Variants in ATP13A4 observed in about 807,000 individuals in gnomAD.
ATP13A4 encodes the protein probable cation-transporting ATPase 13A4.
ATP13A4 carries 114 observed loss-of-function variants against 142.5 expected under a neutral mutation model. The observed-to-expected ratio is 0.80, with a 90% CI of 0.69 to 0.93. The LOEUF is 0.93. ATP13A4 is among the 40% of genes least tolerant of loss of function. The pLI is 0.00. For synonymous variants in ATP13A4, 488 were observed against 514.8 expected, an observed-to-expected ratio of 0.95 and a Z score of 0.70; for missense variants, 1,392 against 1,454.0, an observed-to-expected ratio of 0.96 and a Z score of 0.69.
At chr3:193,508,955 T>G (rs566382373) in intron 2 of ATP13A4, among the ~76,000 whole-genome samples, 2 of 150,936 alleles carry the variant, frequency 1.3e-5, no homozygotes, top group East Asian at 3.9e-4. Context: ...CCACAATCAC[T>G]GTCTTCAAAA....
intron 1 of ATP13A4, among the ~76,000 whole-genome samples, chr3:193,550,890 G>T (rs1723519351): frequency 6.6e-6 from 1 of 152,168 alleles, no homozygotes; most frequent in African/African-American, 2.4e-5. Flanking sequence ...ATTAAGCCAT[G>T]ATACCTTCGT....
chr3:193,497,703 A>T (rs1720321566), intron 3 of ATP13A4, among the ~76,000 whole-genome samples: 1 of 152,144 alleles, frequency 6.6e-6, no homozygotes, highest in Non-Finnish European at 1.5e-5. Context: ...AAGAAAATGT[A>T]CATGTACATT....
At chr3:193,538,125 A>G (rs955251763) in intron 1 of ATP13A4, among the ~76,000 whole-genome samples, 1 of 152,264 alleles carries the variant, frequency 6.6e-6, no homozygotes, top group African/African-American at 2.4e-5. Context: ...GGTACTCAGA[A>G]TCTCCCTGTA....
chr3:193,573,308 C>CTTATATATATATATATGTGTATATAT lies in ATP13A4; in HGVS notation n.291+8398_291+8399insATATATACACATATATATATATATAA, dbSNP rs1229145689. ...ATATATACACATATATATATATATA[C>CTTATATATATATATATGTGTATATAT]ATATATATATATATATATAATTTGT... On this transcript the variant is annotated intron_variant and non_coding_transcript_variant, in intron 2 of 3. Coordinates refer to the ATP13A4 transcript ENST00000489140. 5.4e-4 allele frequency among the ~76,000 whole-genome samples: 56 copies of CTTATATATATATATATGTGTATATAT among 103,654 alleles called. No individual in the cohort carries two copies. In the East Asian group the frequency reaches 8.2e-3, roughly 15 times the overall value. The allele number at this position is 103,654 out of a possible 152,430, so 68.0% of individuals were successfully genotyped here.
intron 2 of ATP13A4, among the ~76,000 whole-genome samples, chr3:193,509,508 G>A (rs1016129031): frequency 6.6e-6 from 1 of 152,232 alleles, no homozygotes; most frequent in African/African-American, 2.4e-5. Context: ...GGGTTGTAAA[G>A]TCACTTGGTC....
chr3:193,474,258 G>A (rs1385116567), intron 8 of ATP13A4, among the ~76,000 whole-genome samples: 1 of 135,826 alleles, frequency 7.4e-6, no homozygotes, highest in Non-Finnish European at 1.5e-5. Context: ...AGCAGAGGTT[G>A]CAGTGAGCCC....
chr3:193,493,194 T>C, intron 3 of ATP13A4, 34 bp from the exon 4 acceptor site: 2 of 1,587,844 alleles, frequency 1.3e-6, no homozygotes, highest in East Asian at 2.2e-5. Context: ...AACCTCTAGT[T>C]TGAGGATCAG....
intron 8 of ATP13A4, 28 bp from the exon 9 acceptor site, chr3:193,471,021 T>C (rs1160132694): frequency 6.2e-7 from 1 of 1,614,022 alleles, no homozygotes; most frequent in Admixed American, 1.7e-5. Context: ...CAGAGTTGAG[T>C]CAGGTTATTT....
intron 18 of ATP13A4, among the ~76,000 whole-genome samples, chr3:193,443,689 A>G (rs1361752551): frequency 6.6e-6 from 1 of 152,224 alleles, no homozygotes; most frequent in Non-Finnish European, 1.5e-5. Flanking sequence ...AGTATCAGAC[A>G]ATGGTTTTTA....
chr3:193,452,019 A>T (rs979489563), intron 17 of ATP13A4, among the ~76,000 whole-genome samples: 1 of 152,200 alleles, frequency 6.6e-6, no homozygotes, highest in African/African-American at 2.4e-5. Flanking sequence ...TTTAACCAGG[A>T]CATGTCCTCT....
At chr3:193,441,001 ATC>A (rs111272453) in intron 20 of ATP13A4, among the ~76,000 whole-genome samples, 29 of 149,822 alleles carry the variant, frequency 1.9e-4, no homozygotes, top group African/African-American at 4.9e-4. Flanking sequence ...CTATCGATCT[ATC>A]TCTCTCTCTC....
chr3:193,534,007 C>T (rs184619667), intron 1 of ATP13A4, among the ~76,000 whole-genome samples: 26 of 152,322 alleles, frequency 1.7e-4, no homozygotes, highest in Admixed American at 3.9e-4. Context: ...TAACTACCCC[C>T]TTTCATATAA....
Position 193,402,583 on chromosome 3 carries a change from T to C in ATP13A4, c.*69A>G. The C allele has an allele frequency of 1.3e-6, 1 of 777,390 alleles. No individual in the cohort carries two copies. The highest frequency in any genetic ancestry group is 2.4e-5 in the East Asian group (1 of 41,134). 48.2% of individuals were successfully genotyped at this position (777,390 alleles called of 1,614,324 possible). ...CTGATGTTACAAGAGTCTCATTTCT[T>C]AAAATCAATGAAACTGGTCCCTTTT... On this transcript the variant is annotated 3_prime_UTR_variant, in exon 30 of 30. Transcript: ENST00000342695.
chr3:193,452,115 T>A lies in ATP13A4; in HGVS notation c.2027+1986A>T, dbSNP rs540390058. 2.0e-5 allele frequency among the ~76,000 whole-genome samples: 3 copies of A among 152,316 alleles called. No homozygotes were observed. The South Asian group carries it at 6.2e-4, about 32-fold the overall frequency. Reference sequence around the variant, plus strand: ...GTTACGTGCATGCATTTCAAAGCCATGAGTTTGCAACTTGTAATATGCAAA... The same window carrying A: ...GTTACGTGCATGCATTTCAAAGCCAAGAGTTTGCAACTTGTAATATGCAAA... On this transcript the variant is annotated intron_variant, in intron 17 of 29. Coordinates refer to ENST00000342695, the MANE Select transcript of ATP13A4 (RefSeq NM_032279.4).
At position 193,585,493 on chromosome 3, in the gene ATP13A4, T is replaced by TG. The variant is rs199622281; in HGVS notation, n.92-3588_92-3587insC. Among the ~76,000 whole-genome samples the TG allele has an allele frequency of 2.8e-3, 423 of 151,174 alleles. 3 individuals are homozygous for TG. Among genetic ancestry groups the TG allele is most frequent in the South Asian group, 0.017 (80 of 4,740 alleles). On this transcript the variant is annotated intron_variant and non_coding_transcript_variant, in intron 1 of 3. Transcript: ENST00000489140. The stretch of plus-strand genomic sequence containing the variant: ...GGTTTGTTTGTGGGTTTTTTGCAAT[T>TG]TTTTTTTTGTAGCTCATCAGCTATT...
At chr3:193,414,365 A>C (rs1023126806) in intron 26 of ATP13A4, among the ~76,000 whole-genome samples, 2 of 152,174 alleles carry the variant, frequency 1.3e-5, no homozygotes, top group African/African-American at 4.8e-5. Context: ...ATCATATAAG[A>C]CAGACAAAGA....
At position 193,458,815 on chromosome 3, in the gene ATP13A4, C is replaced by T. The variant is rs756796538; in HGVS notation, c.1674+266G>A. ...ATAAGTACAATTATATTAATATGAT[C>T]GAACCTTTAATATTTGCCAGGCATA... On this transcript the variant is annotated intron_variant, in intron 14 of 29. Coordinates refer to ENST00000342695, the MANE Select transcript of ATP13A4 (RefSeq NM_032279.4). 5.3e-5 allele frequency: 32 copies of T among 605,796 alleles called. No homozygotes were observed. The South Asian group carries it at 5.9e-4, about 11-fold the overall frequency. 37.5% of individuals were successfully genotyped at this position (605,796 alleles called of 1,614,324 possible). A position where few individuals can be genotyped will look rare whatever the true frequency, so the allele number is the denominator to read the frequency against.
chr3:193,411,624 T>A (rs963129103), intron 27 of ATP13A4, among the ~76,000 whole-genome samples: 4 of 152,288 alleles, frequency 2.6e-5, no homozygotes, highest in Admixed American at 2.6e-4. Flanking sequence ...CAAATAAATG[T>A]CTTGAAGATT....
intron 1 of ATP13A4, among the ~76,000 whole-genome samples, chr3:193,589,010 T>G (rs1160853202): frequency 6.6e-6 from 1 of 151,974 alleles, no homozygotes; most frequent in Non-Finnish European, 1.5e-5. Context: ...CATGGTGGCA[T>G]GCACCTGTAA....
Sources: gnomAD v4.1 joint callset for allele counts (sites outside exome capture counted in the v4.1 genomes callset) on GRCh38, gnomAD v4.1.1 for gene constraint, MANE v1.5 for transcripts, NCBI Gene and HGNC (gene_info 2026-07-23, HGNC 2026-07-21) for gene names.